DSCAM: variants seen among roughly 807,000 people sequenced by gnomAD.
DSCAM encodes the protein cell adhesion molecule DSCAM.
A neutral mutation model predicts 217.7 loss-of-function variants in DSCAM; 47 were observed. The ratio of observed to expected loss-of-function variants is 0.22; its 90% CI spans 0.17 to 0.28. The LOEUF (loss-of-function observed/expected upper bound fraction) is 0.28. Ranked by LOEUF, DSCAM falls within the 10% of genes least tolerant of loss-of-function variation. The pLI, the probability that DSCAM is intolerant of heterozygous loss-of-function variation, is 1.00. For synonymous variants in DSCAM, 1,056 were observed against 1,015.3 expected (o/e 1.04, Z -0.76); for missense variants, 2,080 against 2,618.3 (o/e 0.79, Z 4.49).
chr21:40,054,247 T>G (rs2146501964), intron 29 of DSCAM, among the ~76,000 whole-genome samples: 1 of 152,350 alleles, frequency 6.6e-6, no homozygotes, highest in East Asian at 1.9e-4. Flanking sequence ...AAATCTTGTG[T>G]ACTTTAGGGC....
At chr21:40,354,753 G>A (rs973791997) in intron 4 of DSCAM, among the ~76,000 whole-genome samples, 15 of 150,848 alleles carry the variant, frequency 9.9e-5, no homozygotes, top group Admixed American at 9.9e-4. Flanking sequence ...GGAGGCTGAG[G>A]CAGGAGAATG....
At chr21:40,695,766 A>C (rs2090588129) in intron 2 of DSCAM, among the ~76,000 whole-genome samples, 1 of 152,356 alleles carries the variant, frequency 6.6e-6, no homozygotes, top group East Asian at 1.9e-4. Flanking sequence ...GAGAACTTCT[A>C]ATCCTTTTAC....
intron 1 of DSCAM, among the ~76,000 whole-genome samples, chr21:40,797,005 A>G (rs1396491990): frequency 6.6e-6 from 1 of 151,950 alleles, no homozygotes; most frequent in African/African-American, 2.4e-5. Flanking sequence ...TAGTCACTAA[A>G]TATCACCCTT....
chr21:40,799,087 G>T (rs1233969688), intron 1 of DSCAM, among the ~76,000 whole-genome samples: 2 of 152,088 alleles, frequency 1.3e-5, no homozygotes, highest in Non-Finnish European at 2.9e-5. Context: ...ATGGTATTGA[G>T]GTGTGTAAAG....
chr21:40,638,294 G>T (rs1172354351), intron 3 of DSCAM, among the ~76,000 whole-genome samples: 3 of 152,140 alleles, frequency 2.0e-5, no homozygotes, highest in Non-Finnish European at 4.4e-5. Context: ...TAACGAGATG[G>T]TAACATAACT....
Position 40,075,076 on chromosome 21 carries a change from G to T in DSCAM, c.4849C>A (p.Arg1617=), listed in dbSNP as rs772464092. 1 of 1,614,062 alleles carries T rather than the reference G, an allele frequency of 6.2e-7. No homozygotes were observed. The highest frequency in any genetic ancestry group is 8.5e-7 in the Non-Finnish European group (1 of 1,180,002). Residue 1617 remains arginine (R), a synonymous_variant, in exon 27 of 33, where the codon CGG becomes AGG. Transcript: ENST00000400454. ...LLLFVLLLVV[R]RRRREQRLKR... ...AGCCTCTGCTCCCGCCGCCTCCTCC[G>T]CACAACCAGCAGGAGCACAAACAGC...
intron 11 of DSCAM, among the ~76,000 whole-genome samples, chr21:40,261,652 TACACACAC>T (rs71186922): frequency 1.1e-4 from 15 of 133,516 alleles, no homozygotes; most frequent in African/African-American, 4.0e-4. Flanking sequence ...TCTCTCTCTC[TACACACAC>T]ACACACACAC....
At chr21:40,620,362 AAGAAAAAG>A in intron 3 of DSCAM, among the ~76,000 whole-genome samples, 2 of 126,654 alleles carry the variant, frequency 1.6e-5, no homozygotes, top group African/African-American at 6.0e-5. Context: ...AGAGAGAAAA[AAGAAAAAG>A]AAAGAAAGAA....
chr21:40,382,059 C>T (rs896671538), intron 3 of DSCAM, among the ~76,000 whole-genome samples: 3 of 152,208 alleles, frequency 2.0e-5, no homozygotes, highest in Admixed American at 6.5e-5. Flanking sequence ...CCTTTTTCAA[C>T]ATCTTAGTGA....
At chr21:40,146,011 T>C (rs1017058911) in intron 16 of DSCAM, among the ~76,000 whole-genome samples, 1 of 152,136 alleles carries the variant, frequency 6.6e-6, no homozygotes, top group Non-Finnish European at 1.5e-5. Context: ...TGTATGTATA[T>C]ACATATACAC....
At position 40,044,121 on chromosome 21, in the gene DSCAM, G is replaced by A; in HGVS notation, c.5340C>T (p.Asp1780=). The change falls in exon 31 of 33, where the codon GAC becomes GAT. Residue 1780 remains aspartate (D), a synonymous_variant. Transcript: ENST00000400454. ...TGACGCTGTAACTGTCGCTCTCTTT[G>A]TCTACTGATCCTGCAGCCCTGGGTG... is the stretch of plus-strand genomic sequence containing the variant. ...LPTPRAAGSV[D]KESDSYSVSP... 6.2e-7 allele frequency: 1 copy of A among 1,614,102 alleles called. No individual in the cohort carries two copies. Among genetic ancestry groups the A allele is most frequent in the East Asian group, 2.2e-5 (1 of 44,870 alleles).
chr21:40,573,479 T>G (rs388806), intron 3 of DSCAM, among the ~76,000 whole-genome samples: 117,215 of 152,164 alleles, frequency 0.77, 45,714 homozygotes, highest in East Asian at 0.95. Context: ...ATATTTTGAA[T>G]TGAATGAAAA....
intron 4 of DSCAM, among the ~76,000 whole-genome samples, chr21:40,364,373 T>C (rs2074803993): frequency 6.6e-6 from 1 of 152,078 alleles, no homozygotes; most frequent in Non-Finnish European, 1.5e-5. Flanking sequence ...TTCATGTCCT[T>C]TGTAGGGACA....
intron 8 of DSCAM, among the ~76,000 whole-genome samples, chr21:40,335,708 A>C (rs553942691): frequency 1.3e-5 from 2 of 152,332 alleles, no homozygotes; most frequent in South Asian, 4.1e-4. Flanking sequence ...TTAAAAATAA[A>C]CTAAAATTTT....
At chr21:40,418,889 T>C (rs528071201) in intron 3 of DSCAM, among the ~76,000 whole-genome samples, 182 of 152,206 alleles carry the variant, frequency 1.2e-3, no homozygotes, top group Middle Eastern at 6.8e-3. Context: ...TAAAAACCTA[T>C]GAACTGGACA....
intron 3 of DSCAM, among the ~76,000 whole-genome samples, chr21:40,632,944 T>C (rs1463778703): frequency 6.6e-6 from 1 of 152,210 alleles, no homozygotes; most frequent in East Asian, 1.9e-4. Flanking sequence ...AAGGTTTTCA[T>C]GGGCATCACT....
intron 11 of DSCAM, among the ~76,000 whole-genome samples, chr21:40,254,053 G>A (rs1442758386): frequency 1.3e-5 from 2 of 152,186 alleles, no homozygotes; most frequent in African/African-American, 4.8e-5. Flanking sequence ...CATGGGATCT[G>A]ATACGAACTC....
At chr21:40,541,637 T>C (rs2076543521) in intron 3 of DSCAM, among the ~76,000 whole-genome samples, 1 of 152,170 alleles carries the variant, frequency 6.6e-6, no homozygotes, top group Non-Finnish European at 1.5e-5. Flanking sequence ...TACACACACA[T>C]AAATGCATAT....
chr21:40,566,791 T>C (rs980734878), intron 3 of DSCAM, among the ~76,000 whole-genome samples: 1 of 152,170 alleles, frequency 6.6e-6, no homozygotes, highest in Non-Finnish European at 1.5e-5. Flanking sequence ...CATGTATTCA[T>C]GTATTTGCTC....
Sources: gnomAD v4.1 joint callset for allele counts (sites outside exome capture counted in the v4.1 genomes callset) on GRCh38, gnomAD v4.1.1 for gene constraint, MANE v1.5 for transcripts, NCBI Gene and HGNC (gene_info 2026-07-23, HGNC 2026-07-21) for gene names.